Variants in GHR observed in about 807,000 individuals in gnomAD.
GHR encodes GH receptor.
Under a neutral mutation model 67.1 loss-of-function variants are expected in GHR, and 35 were observed. That is an observed-to-expected ratio of 0.52 (90% CI 0.40 to 0.69). The LOEUF (loss-of-function observed/expected upper bound fraction) is 0.69, where lower values mean the gene tolerates loss of function less well. Among genes scored for constraint, GHR ranks in the 30% least tolerant of loss-of-function variants. The probability of loss-of-function intolerance (pLI) is 0.00; values close to 1 mark genes in which losing one functional copy is unlikely to be tolerated. For missense variants in GHR, 792 were observed against 764.6 expected, an observed-to-expected ratio of 1.04 and a Z score of -0.42; for synonymous variants, 272 against 269.1, an observed-to-expected ratio of 1.01 and a Z score of -0.10.
chr5:42,578,966 C>T (rs1269907102), intron 2 of GHR, among the ~76,000 whole-genome samples: 2 of 152,020 alleles, frequency 1.3e-5, no homozygotes, highest in African/African-American at 2.4e-5. Context: ...AAATTCATTC[C>T]TCAGCATGTT....
intron 1 of GHR, among the ~76,000 whole-genome samples, chr5:42,460,312 G>A (rs915205778): frequency 1.3e-5 from 2 of 152,200 alleles, no homozygotes; most frequent in Non-Finnish European, 2.9e-5. Flanking sequence ...ATTATACCAT[G>A]TAAGCAGGTT....
chr5:42,584,794 C>T (rs554531878), intron 2 of GHR, among the ~76,000 whole-genome samples: 1 of 151,386 alleles, frequency 6.6e-6, no homozygotes, highest in Non-Finnish European at 1.5e-5. Context: ...TATACACACA[C>T]ACACACACAC....
At chr5:42,433,508 T>C (rs1216254497) in intron 1 of GHR, among the ~76,000 whole-genome samples, 2 of 152,138 alleles carry the variant, frequency 1.3e-5, no homozygotes, top group Non-Finnish European at 2.9e-5. Flanking sequence ...AAAACATGAC[T>C]CTTGACTTTA....
chr5:42,688,769 T>C (rs1172190641), intron 3 of GHR, 121 bp from the exon 4 acceptor site: 23 of 942,442 alleles, frequency 2.4e-5, no homozygotes, highest in Non-Finnish European at 3.8e-5. Context: ...CATTACCTCC[T>C]AGACACGGAA....
chr5:42,688,128 A>G (rs77132481), intron 3 of GHR, among the ~76,000 whole-genome samples: 4,539 of 152,308 alleles, frequency 0.03, 99 homozygotes, highest in Middle Eastern at 0.078. Flanking sequence ...GAATGCAAAC[A>G]TAAGTGCCTT....
chr5:42,568,736 C>T (rs1233856591), intron 2 of GHR, among the ~76,000 whole-genome samples: 1 of 152,072 alleles, frequency 6.6e-6, no homozygotes, highest in Non-Finnish European at 1.5e-5. Flanking sequence ...TTAATGAGAG[C>T]CTGTATACCT....
At chr5:42,588,551 A>AAAAAAAAAAAAT (rs1751613744) in intron 2 of GHR, among the ~76,000 whole-genome samples, 3 of 142,020 alleles carry the variant, frequency 2.1e-5, no homozygotes, top group Non-Finnish European at 4.6e-5. Flanking sequence ...AAAAAAAAAA[A>AAAAAAAAAAAAT]GTGACCTATA....
At chr5:42,588,708 A>G (rs1321811843) in intron 2 of GHR, among the ~76,000 whole-genome samples, 3 of 152,020 alleles carry the variant, frequency 2.0e-5, no homozygotes, top group Non-Finnish European at 4.4e-5. Context: ...TAACTGTATT[A>G]CCAGTTATCT....
intron 1 of GHR, among the ~76,000 whole-genome samples, chr5:42,518,969 G>A (rs1374773167): frequency 6.6e-6 from 1 of 152,212 alleles, no homozygotes; most frequent in East Asian, 1.9e-4. Flanking sequence ...AATCTGGAAA[G>A]AGTCGCTAAT....
chr5:42,437,868 G>GA lies in GHR; in HGVS notation c.-12+13927dup, dbSNP rs751739180. Among the ~76,000 whole-genome samples, 698 of 118,358 alleles carry GA rather than the reference G, an allele frequency of 5.9e-3. 3 individuals are homozygous for GA. The highest frequency in any genetic ancestry group is 0.014 in the African/African-American group (438 of 31,968). The allele number at this position is 118,358 out of a possible 152,430, so 77.6% of individuals were successfully genotyped here. On this transcript the variant is annotated intron_variant, in intron 1 of 9. Transcript: ENST00000230882. The stretch of plus-strand genomic sequence containing the variant: ...ACCGTGCCGAGCCATCCTGTCTTCT[G>GA]AAAAAAAAAAAAAAGCAAACAAAAA...
intron 1 of GHR, among the ~76,000 whole-genome samples, chr5:42,515,288 T>C (rs1747188862): frequency 1.3e-5 from 2 of 152,240 alleles, no homozygotes; most frequent in South Asian, 4.1e-4. Flanking sequence ...GGCTAGTGTC[T>C]CTTTCATGAA....
At chr5:42,612,933 C>A (rs1368248130) in intron 2 of GHR, among the ~76,000 whole-genome samples, 1 of 152,096 alleles carries the variant, frequency 6.6e-6, no homozygotes, top group Non-Finnish European at 1.5e-5. Flanking sequence ...CTCCTCCTAT[C>A]TGCATAAATT....
intron 2 of GHR, among the ~76,000 whole-genome samples, chr5:42,575,142 A>G (rs1750582037): frequency 6.6e-6 from 1 of 152,024 alleles, no homozygotes; most frequent in Non-Finnish European, 1.5e-5. Flanking sequence ...CTATGGAGGA[A>G]CTCGCTGGGA....
chr5:42,667,270 G>A (rs1158316310), intron 3 of GHR, among the ~76,000 whole-genome samples: 1 of 152,136 alleles, frequency 6.6e-6, no homozygotes, highest in Non-Finnish European at 1.5e-5. Flanking sequence ...GTCATCCTCT[G>A]AGAGCTAACA....
intron 1 of GHR, chr5:42,468,352 A>G: frequency 1.3e-6 from 2 of 1,497,662 alleles, no homozygotes; most frequent in Middle Eastern, 2.4e-4. Context: ...GAACGCCTAT[A>G]GCTGGGAGCT....
intron 3 of GHR, among the ~76,000 whole-genome samples, chr5:42,658,221 A>G (rs573459116): frequency 4.3e-4 from 66 of 152,326 alleles, no homozygotes; most frequent in African/African-American, 1.5e-3. Context: ...ACCTTACCAT[A>G]AAAAGAAAAT....
chr5:42,517,336 G>A (rs904249183), intron 1 of GHR, among the ~76,000 whole-genome samples: 1 of 152,164 alleles, frequency 6.6e-6, no homozygotes, highest in Non-Finnish European at 1.5e-5. Context: ...AAACAAGAGT[G>A]CTGAATTGAA....
At chr5:42,698,388 T>A (rs1427472636) in intron 5 of GHR, among the ~76,000 whole-genome samples, 1 of 152,214 alleles carries the variant, frequency 6.6e-6, no homozygotes, top group Non-Finnish European at 1.5e-5. Flanking sequence ...GTTTGGTCAC[T>A]TTAAACGGTT....
At chr5:42,588,788 AC>A (rs1751629215) in intron 2 of GHR, among the ~76,000 whole-genome samples, 1 of 152,152 alleles carries the variant, frequency 6.6e-6, no homozygotes, top group Admixed American at 6.5e-5. Flanking sequence ...TTATAACAAA[AC>A]AAAATTCATA....
Sources: gnomAD v4.1 joint callset for allele counts (sites outside exome capture counted in the v4.1 genomes callset) on GRCh38, gnomAD v4.1.1 for gene constraint, MANE v1.5 for transcripts, NCBI Gene and HGNC (gene_info 2026-07-23, HGNC 2026-07-21) for gene names.